The following AVEN variants were observed in gnomAD, a reference collection of about 807,000 sequenced individuals.
The protein encoded by AVEN is apoptosis and caspase activation inhibitor.
Under a neutral mutation model 38.1 loss-of-function variants are expected in AVEN, and 41 were observed. The observed-to-expected ratio is 1.08, with a 90% CI of 0.84 to 1.40. The LOEUF (loss-of-function observed/expected upper bound fraction) is 1.40, where lower values mean the gene tolerates loss of function less well. AVEN is among the 40% of genes most tolerant of loss of function. AVEN has a pLI of 0.00. For missense variants in AVEN, 605 were observed against 438.8 expected (o/e 1.38, Z -3.38); for synonymous variants, 206 against 171.8 (o/e 1.20, Z -1.56).
chr15:33,903,116 G>A (rs484256), intron 2 of AVEN, among the ~76,000 whole-genome samples: 114,501 of 152,108 alleles, frequency 0.75, 47,463 homozygotes, highest in East Asian at 0.97. Flanking sequence ...TCTAGACATC[G>A]GCACGTAAAT....
chr15:33,983,712 T>A (rs536065880), intron 2 of AVEN, among the ~76,000 whole-genome samples: 2 of 152,218 alleles, frequency 1.3e-5, no homozygotes, highest in Admixed American at 6.5e-5. Flanking sequence ...AGTGACTCGC[T>A]GCTAGTGAAC....
intron 2 of AVEN, among the ~76,000 whole-genome samples, chr15:33,923,529 C>T (rs1020983047): frequency 2.6e-5 from 4 of 152,186 alleles, no homozygotes; most frequent in African/African-American, 9.7e-5. Context: ...GTGGGTCACA[C>T]AGTCTCTGTT....
intron 2 of AVEN, among the ~76,000 whole-genome samples, chr15:33,893,577 T>C (rs992613772): frequency 6.6e-6 from 1 of 152,234 alleles, no homozygotes; most frequent in Non-Finnish European, 1.5e-5. Flanking sequence ...TTTTCCTGAA[T>C]ATTCTGTTTT....
At chr15:33,967,432 TA>T (rs995862337) in intron 2 of AVEN, among the ~76,000 whole-genome samples, 1 of 152,110 alleles carries the variant, frequency 6.6e-6, no homozygotes, top group Non-Finnish European at 1.5e-5. Flanking sequence ...GTCCATACTT[TA>T]AAAATATACA....
intron 4 of AVEN, 112 bp from the exon 5 acceptor site, chr15:33,867,967 A>C (rs1351312086): frequency 2.9e-6 from 4 of 1,386,558 alleles, no homozygotes; most frequent in Non-Finnish European, 2.9e-6. Flanking sequence ...GAGGAAACTC[A>C]ATTCAGATAG....
At chr15:34,064,097 C>T in intron 4 of AVEN, 1 of 1,614,178 alleles carries the variant, frequency 6.2e-7, no homozygotes, top group East Asian at 2.2e-5. Context: ...CGTATAACAT[C>T]ATGGTCCTGG....
At chr15:34,056,405 G>T (rs1385588802) in intron 5 of AVEN, among the ~76,000 whole-genome samples, 1 of 152,116 alleles carries the variant, frequency 6.6e-6, no homozygotes, top group Non-Finnish European at 1.5e-5. Flanking sequence ...GATTCCACAG[G>T]ATATTAACAG....
chr15:34,073,553 TC>T (rs1900674625), intron 1 of AVEN, among the ~76,000 whole-genome samples: 1 of 147,066 alleles, frequency 6.8e-6, no homozygotes, highest in Non-Finnish European at 1.5e-5. Context: ...GGAGTTTCGC[TC>T]TTGTTGCCCA....
intron 1 of AVEN, among the ~76,000 whole-genome samples, chr15:34,021,449 C>T (rs772956351): frequency 8.5e-5 from 13 of 152,142 alleles, no homozygotes; most frequent in Admixed American, 7.8e-4. Context: ...CCATGCCCAG[C>T]TAAGTTTGTA....
chr15:33,953,962 T>G (rs1217377064), intron 2 of AVEN, among the ~76,000 whole-genome samples: 1 of 151,636 alleles, frequency 6.6e-6, no homozygotes, highest in East Asian at 1.9e-4. Context: ...CAAGAAAAAA[T>G]CAAACAACCC....
At chr15:33,928,999 G>A (rs143839594) in intron 2 of AVEN, among the ~76,000 whole-genome samples, 4 of 152,090 alleles carry the variant, frequency 2.6e-5, no homozygotes, top group East Asian at 3.9e-4. Flanking sequence ...TAATCATAAC[G>A]GCCTCAAGAA....
downstream of AVEN, among the ~76,000 whole-genome samples, chr15:33,861,586 G>A (rs755902300): frequency 5.3e-5 from 8 of 151,420 alleles, no homozygotes; most frequent in Non-Finnish European, 7.4e-5. Context: ...AGCTGTCCAT[G>A]CTCAGTCACT....
exon 1 of AVEN, among the ~76,000 whole-genome samples, chr15:34,074,967 A>G (rs927766325): frequency 3.3e-5 from 5 of 152,116 alleles, no homozygotes; most frequent in Non-Finnish European, 7.4e-5. Flanking sequence ...TCATGAGGTC[A>G]GGAGATCGAG....
At chr15:34,064,183 C>G in intron 4 of AVEN, 1 of 1,614,186 alleles carries the variant, frequency 6.2e-7, no homozygotes, top group Non-Finnish European at 8.5e-7. Context: ...GTCAATAGCA[C>G]TGTCAACCCC....
At chr15:33,944,098 T>C (rs1331240150) in intron 2 of AVEN, among the ~76,000 whole-genome samples, 3 of 152,160 alleles carry the variant, frequency 2.0e-5, no homozygotes, top group African/African-American at 4.8e-5. Flanking sequence ...GTAAGACTGA[T>C]AGTACTATAT....
intron 3 of AVEN, among the ~76,000 whole-genome samples, chr15:33,873,158 G>A (rs1891068106): frequency 7.8e-6 from 1 of 127,782 alleles, no homozygotes; most frequent in Non-Finnish European, 1.5e-5. Context: ...GGAGTGCAAT[G>A]GCACGATCTC....
At chr15:33,996,375 C>A (rs1445894180) in intron 2 of AVEN, among the ~76,000 whole-genome samples, 2 of 149,944 alleles carry the variant, frequency 1.3e-5, no homozygotes, top group Non-Finnish European at 3.0e-5. Flanking sequence ...CAGACTGCCT[C>A]CTCAAGTGGG....
At chr15:33,896,015 G>A (rs1892219859) in intron 2 of AVEN, among the ~76,000 whole-genome samples, 1 of 152,136 alleles carries the variant, frequency 6.6e-6, no homozygotes, top group Admixed American at 6.5e-5. Context: ...TGCTGTAGTA[G>A]AGAATAATTA....
At chr15:33,853,782 C>A, downstream of AVEN, 1 of 1,471,404 alleles carries the variant, frequency 6.8e-7, no homozygotes. Context: ...TTCTCTCAGG[C>A]TGTGGTCTGG....
Sources: gnomAD v4.1 joint callset for allele counts (sites outside exome capture counted in the v4.1 genomes callset) on GRCh38, gnomAD v4.1.1 for gene constraint, MANE v1.5 for transcripts, NCBI Gene and HGNC (gene_info 2026-07-23, HGNC 2026-07-21) for gene names.